MLPH: variants seen among roughly 807,000 people sequenced by gnomAD.
MLPH encodes the protein melanophilin, also known as exophilin-3.
In MLPH, 51 loss-of-function variants were observed where a neutral mutation model predicts 72.1. That is an observed-to-expected ratio of 0.71 (90% CI 0.56 to 0.89). The LOEUF (loss-of-function observed/expected upper bound fraction) is 0.89. Among genes scored for constraint, MLPH ranks in the 40% least tolerant of loss-of-function variants. The pLI, the probability that MLPH is intolerant of heterozygous loss-of-function variation, is 0.00. For synonymous variants in MLPH, 301 were observed against 310.1 expected, an observed-to-expected ratio of 0.97 and a Z score of 0.31; for missense variants, 743 against 759.9, an observed-to-expected ratio of 0.98 and a Z score of 0.26.
intron 7 of MLPH, among the ~76,000 whole-genome samples, chr2:237,526,489 G>C (rs978969477): frequency 1.3e-5 from 2 of 152,132 alleles, no homozygotes; most frequent in African/African-American, 4.8e-5. Context: ...GACCTTGGAG[G>C]CTTTGGGAGG....
intron 9 of MLPH, among the ~76,000 whole-genome samples, chr2:237,536,064 A>G (rs1035895969): frequency 6.6e-6 from 1 of 152,306 alleles, no homozygotes; most frequent in East Asian, 1.9e-4. Flanking sequence ...TTCACTCCGC[A>G]GGACGCTCCT....
At chr2:237,492,901 C>A (rs1186405085) in intron 1 of MLPH, among the ~76,000 whole-genome samples, 2 of 152,232 alleles carry the variant, frequency 1.3e-5, no homozygotes, top group African/African-American at 2.4e-5. Context: ...CCACACAGAG[C>A]CTGCAGCATC....
chr2:237,494,177 C>T (rs1364575390), intron 2 of MLPH, among the ~76,000 whole-genome samples: 1 of 150,626 alleles, frequency 6.6e-6, no homozygotes, highest in Non-Finnish European at 1.5e-5. Context: ...ATGCTCCCGG[C>T]GAAGGGGGGG....
Position 237,540,483 on chromosome 2 carries a change from G to GA in MLPH, c.1241dup (p.Pro415AlafsTer46). On this transcript the variant is annotated frameshift_variant, in exon 10 of 16. Coordinates refer to ENST00000264605, the MANE Select transcript of MLPH (RefSeq NM_024101.7). LOFTEE classifies it high-confidence loss of function. ...GGAGGAAGCCAAGGACGAAAAGGCA[G>GA]AGCCCAACAGGGACAAATCAGTTGG... The GA allele has an allele frequency of 6.2e-7, 1 of 1,613,052 alleles. No individual in the cohort carries two copies. Among genetic ancestry groups the GA allele is most frequent in the Non-Finnish European group, 8.5e-7 (1 of 1,179,970 alleles).
Position 237,510,502 on chromosome 2 carries a change from C to T in MLPH, c.111-72C>T, listed in dbSNP as rs192341274. The T allele has an allele frequency of 1.1e-4, 142 of 1,291,888 alleles. No homozygotes were observed. The highest frequency in any genetic ancestry group is 1.9e-4 in the Middle Eastern group (1 of 5,380). The allele number at this position is 1,291,888 out of a possible 1,614,324, so 80.0% of individuals were successfully genotyped here. On this transcript the variant is annotated intron_variant, in intron 2 of 15. Coordinates refer to ENST00000264605, the MANE Select transcript of MLPH (RefSeq NM_024101.7). The surrounding 1 kb of genome is among the most constrained non-coding windows in gnomAD (Gnocchi z 4.4). ...CTGTGTCTGTGTGTGTGTGTATGTACGTGTACACACTTAAAGCCTGTTGCA... is the reference window on the plus strand; with the variant it reads ...CTGTGTCTGTGTGTGTGTGTATGTATGTGTACACACTTAAAGCCTGTTGCA...
Position 237,541,056 on chromosome 2 carries a change from A to C in MLPH, c.1446+99A>C. 3.2e-5 allele frequency: 47 copies of C among 1,449,034 alleles called. No individual in the cohort carries two copies. Among genetic ancestry groups the C allele is most frequent in the African/African-American group, 4.2e-5 (3 of 71,012 alleles). 89.8% of individuals were successfully genotyped at this position (1,449,034 alleles called of 1,614,324 possible). ...TGCCAGCTCTAACATCCGCCAGCTC[A>C]CACTGAGCCCTCCCCATTGGCCCAG... On this transcript the variant is annotated intron_variant, in intron 11 of 15. Coordinates refer to ENST00000264605, the MANE Select transcript of MLPH (RefSeq NM_024101.7). The surrounding 1 kb of genome is among the most constrained non-coding windows in gnomAD (Gnocchi z 5.1).
At chr2:237,542,367 C>G (rs917950476) in intron 11 of MLPH, among the ~76,000 whole-genome samples, 200 bp from the exon 12 acceptor site, 2 of 152,172 alleles carry the variant, frequency 1.3e-5, no homozygotes, top group African/African-American at 4.8e-5. Flanking sequence ...GAACACCCCC[C>G]CCTTCTCAAC....
intron 4 of MLPH, chr2:237,518,250 G>C: frequency 1.9e-6 from 1 of 515,366 alleles, no homozygotes; most frequent in South Asian, 1.8e-5. Context: ...TGGGTGGATG[G>C]ATTGATGCAT....
chr2:237,550,613 G>T (rs368529620), intron 14 of MLPH, among the ~76,000 whole-genome samples: 49 of 152,148 alleles, frequency 3.2e-4, no homozygotes, highest in African/African-American at 1.1e-3. Flanking sequence ...GCAATGGCGT[G>T]ATCTCAGCTC....
rs556538223 is a variant in MLPH at position 237,553,571 on chromosome 2, T to A, written c.1782T>A (p.Pro594=). The change falls in exon 16 of 16, where the codon CCT becomes CCA. Residue 594 remains proline, a synonymous_variant. Coordinates refer to ENST00000264605, the MANE Select transcript of MLPH (RefSeq NM_024101.7). The part of the protein sequence containing the change: ...KGMASHTFAK[P]VVAHQS ...TGTGTGTTTGTACTTTACAGAAACC[T>A]GTGGTGGCCCACCAGTCCTAACGGG... is the stretch of plus-strand genomic sequence containing the variant. 1 of 1,614,202 alleles carries A rather than the reference T, an allele frequency of 6.2e-7. No homozygotes were observed. Among genetic ancestry groups the A allele is most frequent in the East Asian group, 2.2e-5 (1 of 44,894 alleles).
chr2:237,493,713 C>T (rs1244905257), intron 2 of MLPH, among the ~76,000 whole-genome samples, 177 bp downstream of exon 2: 4 of 152,198 alleles, frequency 2.6e-5, no homozygotes. Flanking sequence ...ATGAGAGGAT[C>T]TGACTTGCCA....
intron 5 of MLPH, among the ~76,000 whole-genome samples, chr2:237,519,299 CTT>C (rs1486959641): frequency 1.3e-5 from 2 of 152,118 alleles, no homozygotes; most frequent in African/African-American, 4.8e-5. Flanking sequence ...TGAACCAACT[CTT>C]TGCGGCTGCT....
At chr2:237,499,911 A>T (rs1227018268) in intron 2 of MLPH, among the ~76,000 whole-genome samples, 1 of 151,908 alleles carries the variant, frequency 6.6e-6, no homozygotes, top group African/African-American at 2.4e-5. Flanking sequence ...CACCTAGCTA[A>T]TTTTTTAAAT....
intron 12 of MLPH, among the ~76,000 whole-genome samples, chr2:237,544,497 G>A (rs1279550391): frequency 3.7e-5 from 1 of 26,708 alleles, no homozygotes; most frequent in African/African-American, 1.8e-4. Context: ...GGGGGACAGT[G>A]GTGAGTGGGG....
At position 237,528,407 on chromosome 2, in the gene MLPH, A is replaced by G. The variant is rs530488755; in HGVS notation, c.1020+891A>G. Among the ~76,000 whole-genome samples the G allele has an allele frequency of 1.1e-3, 165 of 151,342 alleles. 1 individual carries two copies. The highest frequency in any genetic ancestry group is 3.5e-3 in the African/African-American group (145 of 41,148). On this transcript the variant is annotated intron_variant, in intron 8 of 15. Coordinates refer to ENST00000264605, the MANE Select transcript of MLPH (RefSeq NM_024101.7). ...CCTCTGTGGCCCAGGCTGGAGTGTA[A>G]TGGCGCAATCTCGGCTCACTGCAAC...
chr2:237,495,274 G>C (rs1013711519), intron 2 of MLPH, among the ~76,000 whole-genome samples: 1 of 152,186 alleles, frequency 6.6e-6, no homozygotes, highest in Non-Finnish European at 1.5e-5. Context: ...CCCATCTCAG[G>C]ATCCTTAATG....
upstream of MLPH, chr2:237,486,502 A>T (rs1050178051): frequency 6.6e-6 from 1 of 152,254 alleles, no homozygotes; most frequent in African/African-American, 2.4e-5. Flanking sequence ...TGAGCACCCA[A>T]AGGCCGGCCC....
rs1000815606 is a variant in MLPH, at chr2:237,550,367, A to T, written c.1675+1089A>T. Among the ~76,000 whole-genome samples, 7 of 152,178 alleles carry T rather than the reference A, an allele frequency of 4.6e-5. No individual in the cohort carries two copies. In the East Asian group the frequency reaches 1.2e-3, roughly 25 times the overall value. The stretch of plus-strand genomic sequence containing the variant: ...AGCACACATTCTGGTCAATCCTGGG[A>T]TACAGCTGGTGCCCAGGGCCCTTTG... On this transcript the variant is annotated intron_variant, in intron 14 of 15. Coordinates refer to ENST00000264605, the MANE Select transcript of MLPH (RefSeq NM_024101.7).
chr2:237,488,316 C>T (rs1270595157), intron 1 of MLPH, among the ~76,000 whole-genome samples: 1 of 152,076 alleles, frequency 6.6e-6, no homozygotes, highest in Non-Finnish European at 1.5e-5. Flanking sequence ...ACTTGCAGAC[C>T]GCGTTGCTGA....
Sources: gnomAD v4.1 joint callset for allele counts (sites outside exome capture counted in the v4.1 genomes callset) on GRCh38, gnomAD v4.1.1 for gene constraint, Gnocchi (gnomAD v3.1) non-coding constraint, MANE v1.5 for transcripts, NCBI Gene and HGNC (gene_info 2026-07-23, HGNC 2026-07-21) for gene names.